NNT: variants seen among roughly 807,000 people sequenced by gnomAD.
NNT encodes nicotinamide nucleotide transhydrogenase.
Under a neutral mutation model 104.8 loss-of-function variants are expected in NNT, and 50 were observed. The observed-to-expected ratio is 0.48, with a 90% CI of 0.38 to 0.60. NNT has a LOEUF of 0.60. NNT is among the 20% of genes least tolerant of loss of function. The probability of loss-of-function intolerance (pLI) is 0.00; values close to 1 mark genes in which losing one functional copy is unlikely to be tolerated. For synonymous variants in NNT, 461 were observed against 490.4 expected (o/e 0.94, Z 0.79); for missense variants, 1,131 against 1,330.7 (o/e 0.85, Z 2.33).
At chr5:43,683,059 T>A (rs1315162827) in intron 19 of NNT, among the ~76,000 whole-genome samples, 1 of 152,246 alleles carries the variant, frequency 6.6e-6, no homozygotes, top group Non-Finnish European at 1.5e-5. Context: ...TATTTGGCCT[T>A]GAATTAGCCA....
intron 19 of NNT, among the ~76,000 whole-genome samples, chr5:43,691,161 G>A (rs62368576): frequency 0.037 from 5,660 of 151,776 alleles, 213 homozygotes; most frequent in East Asian, 0.2. Flanking sequence ...GTGCAGTGGC[G>A]CAATCTTGGC....
intron 17 of NNT, among the ~76,000 whole-genome samples, chr5:43,671,821 A>G (rs1338846548): frequency 1.3e-5 from 2 of 152,002 alleles, no homozygotes; most frequent in Admixed American, 6.5e-5. Flanking sequence ...CTGAATTTGA[A>G]TGTTGGCCTG....
intron 19 of NNT, among the ~76,000 whole-genome samples, chr5:43,686,167 T>C (rs1010908351): frequency 7.2e-5 from 11 of 152,086 alleles, no homozygotes; most frequent in African/African-American, 2.2e-4. Flanking sequence ...TGAGCTTTTT[T>C]ATTATCTAAT....
At chr5:43,662,950 AG>A (rs1228717964) in intron 17 of NNT, among the ~76,000 whole-genome samples, 1 of 152,058 alleles carries the variant, frequency 6.6e-6, no homozygotes, top group Non-Finnish European at 1.5e-5. Context: ...GAAATTTGGA[AG>A]AATCAGAAAA....
intron 19 of NNT, among the ~76,000 whole-genome samples, chr5:43,692,143 T>C (rs1742314919): frequency 6.6e-6 from 1 of 152,250 alleles, no homozygotes. Flanking sequence ...TGTCTGATTA[T>C]AGATCAGTTT....
chr5:43,700,233 T>C lies in NNT; in HGVS notation c.2991T>C (p.Phe997=). The C allele has an allele frequency of 6.2e-7, 1 of 1,608,578 alleles. No individual in the cohort carries two copies. Residue 997 remains phenylalanine (F), a synonymous_variant, in exon 20 of 22, where the codon TTT becomes TTC. Transcript: ENST00000344920. Reference sequence around the variant, plus strand: ...AAATGGATGAGATCAACCATGATTTTCCAGGTAAGTGGTGGGGGCAATTGT... The same window carrying C: ...AAATGGATGAGATCAACCATGATTTCCCAGGTAAGTGGTGGGGGCAATTGT... ...VLEMDEINHD[F]PDTDLVLVIG...
chr5:43,603,839 G>C (rs141909110), intron 1 of NNT, among the ~76,000 whole-genome samples: 1 of 152,108 alleles, frequency 6.6e-6, no homozygotes, highest in African/African-American at 2.4e-5. Flanking sequence ...CAAATTGTGA[G>C]TGTGAGTTGG....
At chr5:43,667,938 C>T (rs1740805150) in intron 17 of NNT, among the ~76,000 whole-genome samples, 1 of 152,166 alleles carries the variant, frequency 6.6e-6, no homozygotes, top group Non-Finnish European at 1.5e-5. Context: ...CTGTTGTTTC[C>T]TGACTTTTTA....
At chr5:43,620,462 C>T (rs1054053414) in intron 5 of NNT, among the ~76,000 whole-genome samples, 6 of 151,948 alleles carry the variant, frequency 3.9e-5, no homozygotes, top group African/African-American at 7.3e-5. Context: ...CCTTGTGATC[C>T]GCCCGCCTTG....
At chr5:43,656,581 T>C (rs1438814222) in intron 15 of NNT, 72 bp from the exon 16 acceptor site, 8 of 1,365,978 alleles carry the variant, frequency 5.9e-6, no homozygotes, top group Non-Finnish European at 7.0e-6. Context: ...CTGTGTAGAA[T>C]TCACAGAAAT....
chr5:43,614,873 C>T (rs1041843450), intron 3 of NNT, among the ~76,000 whole-genome samples: 3 of 151,882 alleles, frequency 2.0e-5, no homozygotes, highest in African/African-American at 4.8e-5. Flanking sequence ...CGCAGTGGCT[C>T]ACGCCTGTAA....
At chr5:43,699,481 G>A (rs916665084) in intron 19 of NNT, among the ~76,000 whole-genome samples, 1 of 151,424 alleles carries the variant, frequency 6.6e-6, no homozygotes, top group Non-Finnish European at 1.5e-5. Context: ...AGCCTCCTGA[G>A]TAGCTGGGAT....
Position 43,700,251 on chromosome 5 carries a change from G to T in NNT, c.2995+14G>T, listed in dbSNP as rs1241365053. On this transcript the variant is annotated intron_variant, in intron 20 of 21. Coordinates refer to ENST00000344920, the MANE Select transcript of NNT (RefSeq NM_182977.3). The stretch of plus-strand genomic sequence containing the variant: ...ATGATTTTCCAGGTAAGTGGTGGGG[G>T]CAATTGTGAAGTTTAAATATTCTTA... 3.2e-6 allele frequency: 5 copies of T among 1,571,600 alleles called. No homozygotes were observed. In the African/African-American group the frequency reaches 5.4e-5, roughly 17 times the overall value.
intron 19 of NNT, among the ~76,000 whole-genome samples, chr5:43,689,604 C>T (rs959472308): frequency 4.6e-5 from 7 of 152,054 alleles, no homozygotes; most frequent in Admixed American, 1.3e-4. Flanking sequence ...TTCATTATTT[C>T]GCGTGTGGCT....
intron 20 of NNT, among the ~76,000 whole-genome samples, chr5:43,701,537 A>G (rs1174890840): frequency 6.6e-6 from 1 of 152,128 alleles, no homozygotes; most frequent in Admixed American, 6.6e-5. Flanking sequence ...TAGTGCTGTG[A>G]TGAACATGCT....
At chr5:43,699,459 G>A (rs1313461460) in intron 19 of NNT, among the ~76,000 whole-genome samples, 1 of 149,572 alleles carries the variant, frequency 6.7e-6, no homozygotes, top group Non-Finnish European at 1.5e-5. Context: ...GTACAAGTGA[G>A]TCTCCTGCCT....
intron 15 of NNT, 84 bp from the exon 16 acceptor site, chr5:43,656,569 G>T: frequency 1.6e-6 from 2 of 1,250,024 alleles, no homozygotes; most frequent in South Asian, 3.1e-5. Context: ...GGTTAGAGAT[G>T]ACTGTGTAGA....
chr5:43,697,031 T>TA (rs1408557671), intron 19 of NNT, among the ~76,000 whole-genome samples: 1 of 152,228 alleles, frequency 6.6e-6, no homozygotes, highest in Non-Finnish European at 1.5e-5. Context: ...ATTACTTATG[T>TA]AAGTTTCTGT....
intron 19 of NNT, among the ~76,000 whole-genome samples, chr5:43,698,097 C>G (rs1742652445): frequency 6.6e-6 from 1 of 151,916 alleles, no homozygotes; most frequent in Non-Finnish European, 1.5e-5. Flanking sequence ...CACACACACA[C>G]ACATATACAT....
Sources: allele counts gnomAD v4.1 joint callset (sites outside exome capture counted in the v4.1 genomes callset), GRCh38; gene constraint gnomAD v4.1.1; transcripts MANE v1.5; gene names NCBI Gene and HGNC (gene_info 2026-07-23, HGNC 2026-07-21).